The following GRIK4 variants were observed in gnomAD, a reference collection of about 807,000 sequenced individuals.
The protein encoded by GRIK4 is glutamate receptor ionotropic, kainate 4.
A neutral mutation model predicts 104.9 loss-of-function variants in GRIK4; 40 were observed. The ratio of observed to expected loss-of-function variants is 0.38; its 90% CI spans 0.30 to 0.50. The LOEUF is 0.50. Among genes scored for constraint, GRIK4 ranks in the 20% least tolerant of loss-of-function variants. The probability of loss-of-function intolerance (pLI) is 0.93; values close to 1 mark genes in which losing one functional copy is unlikely to be tolerated. For synonymous variants in GRIK4, 485 were observed against 524.9 expected (o/e 0.92, Z 1.04); for missense variants, 1,047 against 1,308.1 (o/e 0.80, Z 3.08).
At chr11:120,539,983 G>A (rs1322130267) in intron 1 of GRIK4, among the ~76,000 whole-genome samples, 1 of 152,146 alleles carries the variant, frequency 6.6e-6, no homozygotes, top group African/African-American at 2.4e-5. Context: ...GCAGCGAATC[G>A]TGGGAGTTAT....
At chr11:120,631,524 C>G (rs959625430) in intron 1 of GRIK4, among the ~76,000 whole-genome samples, 58 of 152,138 alleles carry the variant, frequency 3.8e-4, no homozygotes, top group Non-Finnish European at 4.9e-4. Flanking sequence ...GAGTGACAAG[C>G]CTGGTAAACT....
intron 3 of GRIK4, among the ~76,000 whole-genome samples, chr11:120,696,612 A>G (rs1296570033): frequency 1.3e-5 from 2 of 151,418 alleles, no homozygotes; most frequent in Non-Finnish European, 2.9e-5. Flanking sequence ...CCTTTGGAAG[A>G]GAATAGAAGC....
intron 1 of GRIK4, among the ~76,000 whole-genome samples, chr11:120,562,072 C>G (rs1303376379): frequency 1.3e-5 from 2 of 152,168 alleles, no homozygotes; most frequent in Non-Finnish European, 2.9e-5. Flanking sequence ...TGAGGGCGTA[C>G]ACACAATAAG....
chr11:120,650,914 T>C (rs1949609823), intron 1 of GRIK4, among the ~76,000 whole-genome samples: 1 of 152,190 alleles, frequency 6.6e-6, no homozygotes, highest in Non-Finnish European at 1.5e-5. Context: ...AGGAAGATGA[T>C]ACAAATGTCA....
chr11:120,751,905 G>A (rs904872842), intron 3 of GRIK4, among the ~76,000 whole-genome samples: 4 of 152,122 alleles, frequency 2.6e-5, no homozygotes, highest in Non-Finnish European at 4.4e-5. Context: ...GTGGTATGTC[G>A]GGAGGGGATC....
chr11:120,698,200 A>G (rs1950488402), intron 3 of GRIK4, among the ~76,000 whole-genome samples: 1 of 152,242 alleles, frequency 6.6e-6, no homozygotes, highest in Admixed American at 6.5e-5. Context: ...AAAATATTTA[A>G]TGTCCTAAAT....
chr11:120,911,671 G>A lies in GRIK4; in HGVS notation c.1476+6178G>A, dbSNP rs1331711067. Reference sequence around the variant, plus strand: ...AGCCTGGCCAACATGGTGAAACCCCGTCTCTACTAAAAATACAAAAATTAG... The same window carrying A: ...AGCCTGGCCAACATGGTGAAACCCCATCTCTACTAAAAATACAAAAATTAG... On this transcript the variant is annotated intron_variant, in intron 13 of 20. Transcript: ENST00000527524. Among the ~76,000 whole-genome samples the A allele has an allele frequency of 2.1e-4, 31 of 149,954 alleles. No homozygotes were observed. In the South Asian group the frequency reaches 4.0e-3, roughly 19 times the overall value.
chr11:120,624,949 A>G (rs892715343), intron 1 of GRIK4, among the ~76,000 whole-genome samples: 15 of 152,352 alleles, frequency 9.8e-5, no homozygotes, highest in African/African-American at 3.4e-4. Flanking sequence ...TGAAAATTAT[A>G]GACTAGCAAT....
At chr11:120,692,762 G>T (rs2135313330) in intron 3 of GRIK4, among the ~76,000 whole-genome samples, 1 of 152,122 alleles carries the variant, frequency 6.6e-6, no homozygotes, top group South Asian at 2.1e-4. Flanking sequence ...ACTCAGTCTC[G>T]CTCTTGTCAC....
chr11:120,534,074 G>T (rs1309581277), intron 1 of GRIK4, among the ~76,000 whole-genome samples: 1 of 152,164 alleles, frequency 6.6e-6, no homozygotes, highest in Non-Finnish European at 1.5e-5. Flanking sequence ...CAGTGATCCT[G>T]CCAAAAGAGC....
chr11:120,964,144 AC>A lies in GRIK4; in HGVS notation c.2266+1465del, dbSNP rs2134740868. 2.0e-5 allele frequency among the ~76,000 whole-genome samples: 3 copies of A among 152,078 alleles called. No homozygotes were observed. In the South Asian group the frequency reaches 6.3e-4, roughly 32 times the overall value. ...GTAGCTGGGACTACAGACGTGCACT[AC>A]CACACCCAGCTAATTTTTGTATTTT... On this transcript the variant is annotated intron_variant, in intron 18 of 20. Transcript: ENST00000527524.
At chr11:120,946,335 A>T (rs1431267237) in intron 14 of GRIK4, among the ~76,000 whole-genome samples, 1 of 152,198 alleles carries the variant, frequency 6.6e-6, no homozygotes, top group East Asian at 1.9e-4. Flanking sequence ...TGTTTGGCCC[A>T]TAGAACCCCC....
chr11:120,738,080 T>TAAG (rs10699756), intron 3 of GRIK4, among the ~76,000 whole-genome samples: 114,118 of 151,740 alleles, frequency 0.75, 43,143 homozygotes, highest in Middle Eastern at 0.85. Context: ...GAACGTCTGG[T>TAAG]AAGAGGAGAT....
At chr11:120,815,068 C>T (rs879634446) in intron 4 of GRIK4, among the ~76,000 whole-genome samples, 2 of 152,224 alleles carry the variant, frequency 1.3e-5, no homozygotes, top group Non-Finnish European at 2.9e-5. Context: ...CAGGTTTGTT[C>T]CATTAGCCTC....
chr11:120,935,026 C>T (rs1242331807), intron 13 of GRIK4, among the ~76,000 whole-genome samples: 1 of 152,204 alleles, frequency 6.6e-6, no homozygotes, highest in African/African-American at 2.4e-5. Context: ...CGAGTCTGGT[C>T]ATCAGTTTCC....
chr11:120,849,990 C>G (rs1386413626), intron 8 of GRIK4, among the ~76,000 whole-genome samples: 4 of 152,160 alleles, frequency 2.6e-5, no homozygotes, highest in Non-Finnish European at 5.9e-5. Flanking sequence ...AATCTACTTC[C>G]TTGTGGTTAT....
intron 19 of GRIK4, among the ~76,000 whole-genome samples, chr11:120,973,615 C>G (rs1944511258): frequency 6.6e-6 from 1 of 152,224 alleles, no homozygotes; most frequent in East Asian, 1.9e-4. Context: ...AAAGCCAGGA[C>G]TTCAGCTACT....
In GRIK4 at chr11:120,710,553, G is replaced by A. The variant is rs191867310; in HGVS notation, c.82+50153G>A. ...CAGCTGTGTGAGGCAGCAGTGGTGC[G>A]GGCTCTTTCTTCTGGGCACGTGACT... On this transcript the variant is annotated intron_variant, in intron 3 of 20. Transcript: ENST00000527524. Among the ~76,000 whole-genome samples, 121 of 152,228 alleles carry A rather than the reference G, an allele frequency of 7.9e-4. 1 individual carries two copies. The Middle Eastern group carries it at 0.017, about 21-fold the overall frequency.
chr11:120,573,326 TA>T (rs1449056249), intron 1 of GRIK4, among the ~76,000 whole-genome samples: 3 of 152,346 alleles, frequency 2.0e-5, no homozygotes, highest in African/African-American at 7.2e-5. Flanking sequence ...TAAAGATGTT[TA>T]ATCAGACTCT....
Sources: gnomAD v4.1 joint callset for allele counts (sites outside exome capture counted in the v4.1 genomes callset) on GRCh38, gnomAD v4.1.1 for gene constraint, MANE v1.5 for transcripts, NCBI Gene and HGNC (gene_info 2026-07-23, HGNC 2026-07-21) for gene names.